ORMDL1: variants seen among roughly 807,000 people sequenced by gnomAD.
ORMDL1 encodes the protein ORMDL sphingolipid biosynthesis regulator 1.
ORMDL1 carries 10 observed loss-of-function variants against 13.0 expected under a neutral mutation model. The observed-to-expected ratio is 0.77, with a 90% CI of 0.47 to 1.30. ORMDL1 has a LOEUF of 1.30. ORMDL1 is among the 50% of genes most tolerant of loss of function. The probability of loss-of-function intolerance (pLI) is 0.00; values close to 1 mark genes in which losing one functional copy is unlikely to be tolerated. For missense variants in ORMDL1, 171 were observed against 186.7 expected (o/e 0.92, Z 0.49); for synonymous variants, 61 against 63.9 (o/e 0.95, Z 0.22).
intron 3 of ORMDL1, among the ~76,000 whole-genome samples, chr2:189,777,282 G>A (rs1384505406): frequency 1.3e-5 from 2 of 152,176 alleles, no homozygotes; most frequent in South Asian, 4.1e-4. Context: ...GTTGGAAGAT[G>A]ACATTACGCC....
chr2:189,766,073 C>T (rs1356120121), downstream of ORMDL1, among the ~76,000 whole-genome samples: 1 of 152,202 alleles, frequency 6.6e-6, no homozygotes, highest in East Asian at 1.9e-4. Context: ...GATCCACCTG[C>T]CTCGGCCTCC....
At chr2:189,765,820 T>C (rs1422170643), downstream of ORMDL1, among the ~76,000 whole-genome samples, 1 of 151,770 alleles carries the variant, frequency 6.6e-6, no homozygotes, top group Non-Finnish European at 1.5e-5. Flanking sequence ...TAAAAATACA[T>C]TGCCATTTTA....
chr2:189,772,046 A>G, intron 4 of ORMDL1, 144 bp from the exon 5 acceptor site: 1 of 662,164 alleles, frequency 1.5e-6, no homozygotes, highest in Non-Finnish European at 2.3e-6. Context: ...AACAAGAGGA[A>G]TCGGTTTGGT....
At chr2:189,765,759 G>T (rs1231770642), downstream of ORMDL1, among the ~76,000 whole-genome samples, 1 of 151,732 alleles carries the variant, frequency 6.6e-6, no homozygotes, top group East Asian at 1.9e-4. Flanking sequence ...GCCTGATGCA[G>T]CCCTTTCCAC....
chr2:189,772,475 C>T (rs2047600603), intron 4 of ORMDL1, among the ~76,000 whole-genome samples: 1 of 152,170 alleles, frequency 6.6e-6, no homozygotes, highest in South Asian at 2.1e-4. Flanking sequence ...TTGTACCATT[C>T]CAGCTGCTTT....
intron 1 of ORMDL1, 158 bp downstream of exon 1, chr2:189,784,111 G>C (rs1332892703): frequency 1.3e-5 from 2 of 152,330 alleles, no homozygotes; most frequent in Non-Finnish European, 2.9e-5. Flanking sequence ...TTTGCGTAGG[G>C]GGCGAGCCTC....
intron 4 of ORMDL1, chr2:189,774,772 G>A (rs1359306213): frequency 6.6e-6 from 1 of 152,140 alleles, no homozygotes; most frequent in Admixed American, 6.5e-5. Flanking sequence ...TTTCAGGTAG[G>A]AGATATGATT....
intron 2 of ORMDL1, 150 bp from the exon 3 acceptor site, chr2:189,782,752 G>A: frequency 1.6e-6 from 1 of 614,196 alleles, no homozygotes; most frequent in Non-Finnish European, 2.8e-6. Flanking sequence ...TATGCTACTT[G>A]TAGATGCTGA....
chr2:189,765,869 C>T (rs1005754519), downstream of ORMDL1, among the ~76,000 whole-genome samples: 5 of 5,442 alleles, frequency 9.2e-4, no homozygotes, highest in Non-Finnish European at 2.7e-3. Flanking sequence ...TTTGAGACGA[C>T]GTCTGGATTG....
chr2:189,775,807 G>GA, intron 3 of ORMDL1, 91 bp from the exon 4 acceptor site: 2 of 1,259,178 alleles, frequency 1.6e-6, no homozygotes, highest in Non-Finnish European at 2.2e-6. Context: ...AGCTGTTTGT[G>GA]AGAGTGTGTG....
At chr2:189,775,125 C>T in intron 4 of ORMDL1, 1 of 153,378 alleles carries the variant, frequency 6.5e-6, no homozygotes, top group Non-Finnish European at 1.5e-5. Context: ...GAAAGCCTGA[C>T]CTACTTTTTT....
downstream of ORMDL1, among the ~76,000 whole-genome samples, chr2:189,766,738 C>T (rs895424685): frequency 6.9e-6 from 1 of 144,242 alleles, no homozygotes; most frequent in Non-Finnish European, 1.6e-5. Flanking sequence ...AAAAAAAAAA[C>T]AAAACAAAAA....
chr2:189,778,534 G>A (rs538897530), intron 3 of ORMDL1: 1 of 429,704 alleles, frequency 2.3e-6, no homozygotes, highest in African/African-American at 2.0e-5. Context: ...GAGTTGTGTA[G>A]ATTCCTGGAG....
rs758346181 is a variant in ORMDL1 at position 189,771,556 on chromosome 2, C to T, written c.*211G>A. The T allele has an allele frequency of 7.6e-6, 3 of 396,148 alleles. No homozygotes were observed. The highest frequency in any genetic ancestry group is 1.3e-5 in the Non-Finnish European group (3 of 227,452). 24.5% of individuals were successfully genotyped at this position (396,148 alleles called of 1,614,324 possible). The stretch of plus-strand genomic sequence containing the variant: ...GGGCCTGCCCAGCCTGCTTATAAAG[C>T]CCCTCTTCAGAAATGTACCAGGTGT... On this transcript the variant is annotated 3_prime_UTR_variant, in exon 5 of 5. Coordinates refer to ENST00000392349, the MANE Select transcript of ORMDL1 (RefSeq NM_016467.5).
At chr2:189,775,454 T>G (rs912996228) in intron 4 of ORMDL1, 111 bp downstream of exon 4, 1 of 1,191,920 alleles carries the variant, frequency 8.4e-7, no homozygotes, top group East Asian at 2.5e-5. Context: ...GAGGTGCTAC[T>G]TATTGATAGA....
intron 3 of ORMDL1, 56 bp downstream of exon 3, chr2:189,782,366 C>G: frequency 6.8e-7 from 1 of 1,471,892 alleles, no homozygotes; most frequent in African/African-American, 1.4e-5. Flanking sequence ...CCCTTAATTT[C>G]CGGCAACCAC....
the ORMDL1 span, chr2:189,764,934 G>C: frequency 3.3e-5 from 5 of 152,198 alleles, no homozygotes; most frequent in African/African-American, 1.2e-4. Flanking sequence ...CGGGGTTCAA[G>C]CGATTCTCCT....
At chr2:189,773,592 C>T (rs2047627138) in intron 4 of ORMDL1, among the ~76,000 whole-genome samples, 1 of 151,896 alleles carries the variant, frequency 6.6e-6, no homozygotes, top group African/African-American at 2.4e-5. Context: ...CACGGTGGTG[C>T]ACGCCTGTAG....
At position 189,770,803 on chromosome 2, in the gene ORMDL1, T is replaced by C. The variant is rs1293459601; in HGVS notation, c.*964A>G. 6.6e-6 allele frequency: 1 copy of C among 152,146 alleles called. No individual in the cohort carries two copies. Among genetic ancestry groups the C allele is most frequent in the Non-Finnish European group, 1.5e-5 (1 of 68,012 alleles). 9.4% of individuals were successfully genotyped at this position (152,146 alleles called of 1,614,324 possible). A position where few individuals can be genotyped will look rare whatever the true frequency, so the allele number is the denominator to read the frequency against. Reference sequence around the variant, plus strand: ...ACTAAGAAAAGAAAATGTTATCTTTTACTGCAGACCTGCCAAAAAAAAGAC... The same window carrying C: ...ACTAAGAAAAGAAAATGTTATCTTTCACTGCAGACCTGCCAAAAAAAAGAC... On this transcript the variant is annotated 3_prime_UTR_variant, in exon 5 of 5. Transcript: ENST00000392349.
Sources: allele counts gnomAD v4.1 joint callset (sites outside exome capture counted in the v4.1 genomes callset), GRCh38; gene constraint gnomAD v4.1.1; transcripts MANE v1.5; gene names NCBI Gene and HGNC (gene_info 2026-07-23, HGNC 2026-07-21).